UBR1: variants seen among roughly 807,000 people sequenced by gnomAD.
UBR1 encodes ubiquitin protein ligase E3 component n-recognin 1, also known as E3 ubiquitin-protein ligase UBR1.
A neutral mutation model predicts 242.1 loss-of-function variants in UBR1; 102 were observed. The ratio of observed to expected loss-of-function variants is 0.42; its 90% CI spans 0.36 to 0.50. The LOEUF is 0.50. Ranked by LOEUF, UBR1 falls within the 20% of genes least tolerant of loss-of-function variation. The pLI is 0.01. For synonymous variants in UBR1, 675 were observed against 684.8 expected (o/e 0.99, Z 0.22); for missense variants, 1,772 against 2,101.8 (o/e 0.84, Z 3.07).
Position 43,070,925 on chromosome 15 carries a change from T to C in UBR1, c.529A>G (p.Asn177Asp). ...TCTTCATTCAACGGACAGCGTGAATTCTATAAAAAAGCCGAGAAAAACATA... is the reference window on the plus strand; with the variant it reads ...TCTTCATTCAACGGACAGCGTGAATCCTATAAAAAAGCCGAGAAAAACATA... ...EPGRAGTIKE[N>D]SRCPLNEEVI... The change falls in exon 5 of 47, where the codon AAT becomes GAT. Residue 177 changes from asparagine to aspartate, a missense_variant and splice_region_variant. Asn to Asp is a conservative substitution (Grantham distance 23, BLOSUM62 1). Coordinates refer to ENST00000290650, the MANE Select transcript of UBR1 (RefSeq NM_174916.3). 6.2e-7 allele frequency: 1 copy of C among 1,612,994 alleles called. No individual in the cohort carries two copies. The highest frequency in any genetic ancestry group is 8.5e-7 in the Non-Finnish European group (1 of 1,179,942).
chr15:43,037,395 T>C (rs1213511490), intron 17 of UBR1, among the ~76,000 whole-genome samples: 1 of 148,606 alleles, frequency 6.7e-6, no homozygotes, highest in Non-Finnish European at 1.5e-5. Context: ...AGAAAAGCAC[T>C]GCTGCATATT....
At position 42,943,025 on chromosome 15, in the gene UBR1, G is replaced by A. The variant is rs1455395873; in HGVS notation, c.*2304C>T. 6.6e-6 allele frequency: 1 copy of A among 152,562 alleles called. No individual in the cohort carries two copies. Among genetic ancestry groups the A allele is most frequent in the African/African-American group, 2.4e-5 (1 of 41,426 alleles). The allele number at this position is 152,562 out of a possible 1,614,324, so 9.5% of individuals were successfully genotyped here. ...TTATTTGTATAACTTCATCATGGAT[G>A]GAATTTGAATCAGTGGTATAAACAT... On this transcript the variant is annotated 3_prime_UTR_variant, in exon 47 of 47. Transcript: ENST00000290650.
chr15:42,952,581 A>T (rs1596072957), intron 44 of UBR1, 133 bp from the exon 45 acceptor site: 4 of 996,544 alleles, frequency 4.0e-6, no homozygotes, highest in Non-Finnish European at 6.1e-6. Context: ...TTAAAACACA[A>T]GGAAACATTT....
chr15:43,005,067 G>A (rs1046924023), intron 30 of UBR1, among the ~76,000 whole-genome samples: 15 of 150,096 alleles, frequency 1.0e-4, no homozygotes, highest in Non-Finnish European at 1.6e-4. Flanking sequence ...CTGCCCGACC[G>A]CCACCCCATC....
rs1211114210 is a variant in UBR1 at position 43,024,931 on chromosome 15, A to T, written c.2637T>A (p.Ile879=). 6.2e-7 allele frequency: 1 copy of T among 1,614,196 alleles called. No homozygotes were observed. Among genetic ancestry groups the T allele is most frequent in the Admixed American group, 1.7e-5 (1 of 60,022 alleles). Residue 879 remains isoleucine, a synonymous_variant, in exon 25 of 47, where the codon ATT becomes ATA. Transcript: ENST00000290650. Reference sequence around the variant, plus strand: ...TCATGATATCACAGTTGAGAAGGTTAATCACTTTGCTGAAAGCAGGGCAGA... The same window carrying T: ...TCATGATATCACAGTTGAGAAGGTTTATCACTTTGCTGAAAGCAGGGCAGA... ...PEFCPAFSKV[I]NLLNCDIMMY... is the part of the protein sequence containing the mutation.
intron 15 of UBR1, among the ~76,000 whole-genome samples, chr15:43,040,934 C>T (rs188339029): frequency 4.3e-4 from 66 of 152,236 alleles, no homozygotes; most frequent in African/African-American, 1.6e-3. Flanking sequence ...ATTAAAAAGT[C>T]AGGAAACAAC....
intron 1 of UBR1, among the ~76,000 whole-genome samples, chr15:43,096,858 G>GA (rs1348776751): frequency 6.6e-6 from 1 of 151,900 alleles, no homozygotes; most frequent in Non-Finnish European, 1.5e-5. Flanking sequence ...CTAAAGTCTT[G>GA]AACCCCTCAA....
intron 2 of UBR1, among the ~76,000 whole-genome samples, chr15:43,084,539 C>G (rs1048983052): frequency 6.6e-6 from 1 of 152,216 alleles, no homozygotes; most frequent in Admixed American, 6.5e-5. Context: ...TCACCACAAC[C>G]TCTGTCTCCC....
At chr15:42,966,835 C>T (rs1029644882) in intron 40 of UBR1, among the ~76,000 whole-genome samples, 3 of 151,954 alleles carry the variant, frequency 2.0e-5, no homozygotes, top group Middle Eastern at 3.4e-3. Flanking sequence ...AAAACAAAAG[C>T]AAAACAAAAA....
chr15:42,996,295 A>G (rs552496310), intron 33 of UBR1, among the ~76,000 whole-genome samples: 81 of 152,288 alleles, frequency 5.3e-4, no homozygotes, highest in Admixed American at 8.5e-4. Flanking sequence ...AGGGAACATA[A>G]AACTTTGTAT....
chr15:42,959,506 A>C (rs1422671715), intron 43 of UBR1, among the ~76,000 whole-genome samples: 2 of 152,140 alleles, frequency 1.3e-5, no homozygotes, highest in African/African-American at 4.8e-5. Flanking sequence ...CTTAAGTTTT[A>C]TGTTCATAAC....
intron 10 of UBR1, 131 bp downstream of exon 10, chr15:43,058,210 A>G: frequency 1.3e-6 from 1 of 745,820 alleles, no homozygotes; most frequent in Non-Finnish European, 2.2e-6. Flanking sequence ...CCGCAGGGCC[A>G]AGAACAAACT....
chr15:42,966,005 C>G lies in UBR1; in HGVS notation c.4591+148G>C, dbSNP rs1198507042. On this transcript the variant is annotated intron_variant, in intron 41 of 46. Coordinates refer to ENST00000290650, the MANE Select transcript of UBR1 (RefSeq NM_174916.3). Reference sequence around the variant, plus strand: ...TTTTGGCCTCACCTTTAACCTACACCAGGGCTCATGTTTGAAGGGAACACA... The same window carrying G: ...TTTTGGCCTCACCTTTAACCTACACGAGGGCTCATGTTTGAAGGGAACACA... 5.8e-6 allele frequency: 7 copies of G among 1,201,624 alleles called. No individual in the cohort carries two copies. In the East Asian group the frequency reaches 1.5e-4, roughly 26 times the overall value. 74.4% of individuals were successfully genotyped at this position (1,201,624 alleles called of 1,614,324 possible).
chr15:43,059,163 A>G lies in UBR1; in HGVS notation c.1015T>C (p.Cys339Arg), dbSNP rs749794424. ...TCCGAGTCAGGTTCTTCTCTAAGGC[A>G]TGCTTGGCAAAAGATCTGCCTAAAG... is the stretch of plus-strand genomic sequence containing the variant. ...SDFRQIFCQA[C>R]LREEPDSENP... is the part of the protein sequence containing the mutation. The change falls in exon 9 of 47, where the codon TGC becomes CGC. Residue 339 changes from cysteine to arginine, a missense_variant. Cys to Arg is a radical substitution (Grantham distance 180, BLOSUM62 -3). This residue lies in a region of UBR1 where 734 missense variants were observed against 893.3 expected (regional missense o/e 0.82). Transcript: ENST00000290650. 2.5e-6 allele frequency: 4 copies of G among 1,614,038 alleles called. No individual in the cohort carries two copies. The highest frequency in any genetic ancestry group is 2.5e-6 in the Non-Finnish European group (3 of 1,180,044).
intron 40 of UBR1, among the ~76,000 whole-genome samples, chr15:42,968,011 T>C (rs912366891): frequency 3.9e-5 from 6 of 151,952 alleles, no homozygotes; most frequent in African/African-American, 1.4e-4. Context: ...ATGTATATAT[T>C]ACATGCATGT....
intron 14 of UBR1, among the ~76,000 whole-genome samples, chr15:43,044,671 T>C (rs1222937340): frequency 1.3e-5 from 2 of 152,104 alleles, no homozygotes; most frequent in Non-Finnish European, 2.9e-5. Flanking sequence ...GGTGGGCAGA[T>C]CACGAGGTCA....
At chr15:42,948,838 A>G (rs1026900888) in intron 46 of UBR1, among the ~76,000 whole-genome samples, 1 of 152,108 alleles carries the variant, frequency 6.6e-6, no homozygotes, top group African/African-American at 2.4e-5. Flanking sequence ...GTGGGACTGT[A>G]AACTAGTTCA....
rs374806707 is a variant in UBR1 at position 43,043,222 on chromosome 15, G to A, written c.1842C>T (p.Thr614=). ...GAAAAAACAAACACTCACCAGCAAG[G>A]GTCCTAGAGAGTGGCAGATGTATGC... ...LVSIHLPLSR[T]LAGLHVRLSR... is the part of the protein sequence containing the mutation. Residue 614 remains threonine (T), a synonymous_variant, in exon 15 of 47, where the codon ACC becomes ACT. Coordinates refer to ENST00000290650, the MANE Select transcript of UBR1 (RefSeq NM_174916.3). The A allele has an allele frequency of 1.9e-6, 3 of 1,613,894 alleles. No homozygotes were observed. In the South Asian group the frequency reaches 3.3e-5, roughly 18 times the overall value.
intron 38 of UBR1, 92 bp downstream of exon 38, chr15:42,977,788 T>C (rs1418805825): frequency 8.6e-7 from 1 of 1,161,646 alleles, no homozygotes; most frequent in African/African-American, 1.5e-5. Flanking sequence ...CACAAAGAAT[T>C]TATAATCTTG....
Sources: gnomAD v4.1 joint callset for allele counts (sites outside exome capture counted in the v4.1 genomes callset) on GRCh38, gnomAD v4.1.1 for gene constraint, gnomAD v4.1.1 regional missense constraint, MANE v1.5 for transcripts, NCBI Gene and HGNC (gene_info 2026-07-23, HGNC 2026-07-21) for gene names.